The following PCDH11X variants were observed in gnomAD, a reference collection of about 807,000 sequenced individuals.
PCDH11X encodes the protein protocadherin-11 X-linked.
Under a neutral mutation model 53.3 loss-of-function variants are expected in PCDH11X, and 18 were observed. That is an observed-to-expected ratio of 0.34 (90% CI 0.23 to 0.50). The LOEUF is 0.50. Among genes scored for constraint, PCDH11X ranks in the 20% least tolerant of loss-of-function variants. PCDH11X has a pLI of 0.98. For synonymous variants in PCDH11X, 279 were observed against 393.3 expected (o/e 0.71, Z 3.44); for missense variants, 570 against 1,032.4 (o/e 0.55, Z 6.14).
chrX:92,278,955 G>A (rs369395763), intron 8 of PCDH11X, among the ~76,000 whole-genome samples: 4 of 109,495 alleles, frequency 3.7e-5, no homozygotes, highest in East Asian at 5.9e-4. Flanking sequence ...GGGATTACAG[G>A]CGTGTGCCAC....
In PCDH11X at chrX:92,256,750, T is replaced by C. The variant is rs1023595711; in HGVS notation, c.3115-6364T>C. ...TTTGACAGACCCCCATATGTGTTGT[T>C]CCACCCTGTGTTTATGTGTTCTCAT... is the stretch of plus-strand genomic sequence containing the variant. On this transcript the variant is annotated intron_variant, in intron 7 of 10. Transcript: ENST00000682573. Among the ~76,000 whole-genome samples, 5 of 110,311 alleles carry C rather than the reference T, an allele frequency of 4.5e-5. No individual in the cohort carries two copies. The Admixed American group carries it at 4.9e-4, about 11-fold the overall frequency.
chrX:92,121,011 A>C (rs1212195486), intron 6 of PCDH11X, among the ~76,000 whole-genome samples: 3 of 106,765 alleles, frequency 2.8e-5, no homozygotes, highest in African/African-American at 1.0e-4. Context: ...TTATTCTCTT[A>C]GTAGTATAAG....
Position 91,906,448 on chromosome X carries a change from C to G in PCDH11X, c.3033+27175C>G, listed in dbSNP as rs575886391. On this transcript the variant is annotated intron_variant, in intron 6 of 10. Transcript: ENST00000682573. ...ACCTTGTATTTGATCAACGTCTAGACCAGAGATTCACAACACTGGCTGTGC... is the reference window on the plus strand; with the variant it reads ...ACCTTGTATTTGATCAACGTCTAGAGCAGAGATTCACAACACTGGCTGTGC... 1.2e-3 allele frequency among the ~76,000 whole-genome samples: 131 copies of G among 109,016 alleles called. 3 individuals carry two copies. The South Asian group carries it at 0.054, about 45-fold the overall frequency. The allele number at this position is 109,016 out of a possible 115,157, so 94.7% of individuals were successfully genotyped here. A position where few individuals can be genotyped will look rare whatever the true frequency, so the allele number is the denominator to read the frequency against.
At chrX:92,105,596 TAC>T (rs1246703580) in intron 6 of PCDH11X, among the ~76,000 whole-genome samples, 1 of 104,742 alleles carries the variant, frequency 9.5e-6, no homozygotes, top group Non-Finnish European at 1.9e-5. Flanking sequence ...AAAGGAAAAT[TAC>T]AGTCAAAGGG....
chrX:92,414,049 A>G (rs894687888), intron 9 of PCDH11X, among the ~76,000 whole-genome samples: 17 of 108,753 alleles, frequency 1.6e-4, no homozygotes, highest in Non-Finnish European at 3.0e-4. Flanking sequence ...TTTTGTTAAA[A>G]CCGCAAAAAG....
chrX:92,075,850 C>G (rs1420621233), intron 6 of PCDH11X, among the ~76,000 whole-genome samples: 1 of 110,954 alleles, frequency 9.0e-6, no homozygotes, highest in Non-Finnish European at 1.9e-5. Context: ...CTATTGTGAT[C>G]AATTTCCCCA....
intron 8 of PCDH11X, among the ~76,000 whole-genome samples, chrX:92,296,767 T>C (rs1234848661): frequency 2.3e-5 from 2 of 86,093 alleles, no homozygotes; most frequent in East Asian, 7.9e-4. Context: ...TACCCAATAA[T>C]GGGATTGCTG....
intron 6 of PCDH11X, among the ~76,000 whole-genome samples, chrX:92,040,651 A>T (rs1425476700): frequency 4.5e-5 from 5 of 111,102 alleles, no homozygotes; most frequent in African/African-American, 1.7e-4. Flanking sequence ...GTGATTGCTA[A>T]CCTGATTTTT....
intron 9 of PCDH11X, among the ~76,000 whole-genome samples, chrX:92,430,792 T>C (rs983060385): frequency 1.8e-5 from 2 of 110,163 alleles, no homozygotes; most frequent in African/African-American, 3.3e-5. Context: ...GAGGCAGCAC[T>C]ATATATAGCA....
At chrX:92,164,840 T>C (rs1433457707) in intron 6 of PCDH11X, among the ~76,000 whole-genome samples, 1 of 108,893 alleles carries the variant, frequency 9.2e-6, no homozygotes, top group Non-Finnish European at 1.9e-5. Flanking sequence ...GTTCTTGTGA[T>C]AGTGAATGAG....
At chrX:92,390,448 T>C (rs1390146088) in intron 9 of PCDH11X, among the ~76,000 whole-genome samples, 1 of 107,973 alleles carries the variant, frequency 9.3e-6, no homozygotes, top group Non-Finnish European at 1.9e-5. Context: ...GAATTGGCCA[T>C]AGCAAAGTAT....
chrX:92,584,116 G>A (rs1373509818), intron 10 of PCDH11X, among the ~76,000 whole-genome samples: 1 of 110,649 alleles, frequency 9.0e-6, no homozygotes, highest in Admixed American at 9.7e-5. Context: ...TTTATGGGAT[G>A]CAACTAACTA....
chrX:92,010,768 T>C (rs1286729234), intron 6 of PCDH11X, among the ~76,000 whole-genome samples: 1 of 109,282 alleles, frequency 9.2e-6, no homozygotes, highest in African/African-American at 3.3e-5. Flanking sequence ...CATGTGCAGG[T>C]CTCTTATATG....
At chrX:91,834,142 C>A (rs1937211312) in intron 4 of PCDH11X, among the ~76,000 whole-genome samples, 1 of 110,838 alleles carries the variant, frequency 9.0e-6, no homozygotes, top group African/African-American at 3.3e-5. Context: ...TATAATATAT[C>A]ATCTACAAAT....
chrX:92,028,870 C>G (rs1226188144), intron 6 of PCDH11X, among the ~76,000 whole-genome samples: 2 of 111,447 alleles, frequency 1.8e-5, no homozygotes, highest in Non-Finnish European at 3.8e-5. Flanking sequence ...ATAACAGAAA[C>G]AGCAAAGACA....
intron 6 of PCDH11X, among the ~76,000 whole-genome samples, chrX:91,914,210 C>A (rs746744425): frequency 8.8e-4 from 97 of 110,543 alleles, no homozygotes; most frequent in African/African-American, 3.1e-3. Flanking sequence ...GGGGAGAGCA[C>A]GACATCAAGG....
intron 10 of PCDH11X, among the ~76,000 whole-genome samples, chrX:92,587,903 A>C (rs1924575677): frequency 1.8e-5 from 2 of 111,300 alleles, no homozygotes; most frequent in South Asian, 7.5e-4. Context: ...TGATAAAATG[A>C]TCAACTATAT....
chrX:92,463,809 CT>C (rs1016837115), intron 9 of PCDH11X, among the ~76,000 whole-genome samples: 1 of 110,307 alleles, frequency 9.1e-6, no homozygotes, highest in African/African-American at 3.3e-5. Flanking sequence ...GAGCCAATAG[CT>C]TGTGGACTAG....
At chrX:92,129,315 T>C (rs6618871) in intron 6 of PCDH11X, among the ~76,000 whole-genome samples, 44,105 of 109,210 alleles carry the variant, frequency 0.4, 8,485 homozygotes, top group East Asian at 0.87. Context: ...TGCTTGAACC[T>C]GGGAGGCAGA....
Sources: allele counts gnomAD v4.1 joint callset (sites outside exome capture counted in the v4.1 genomes callset), GRCh38; gene constraint gnomAD v4.1.1; transcripts MANE v1.5; gene names NCBI Gene and HGNC (gene_info 2026-07-23, HGNC 2026-07-21).